GTF2IRD1: variants seen among roughly 807,000 people sequenced by gnomAD.
GTF2IRD1 encodes general transcription factor II-I repeat domain-containing protein 1.
GTF2IRD1 carries 26 observed loss-of-function variants against 113.2 expected under a neutral mutation model. That is an observed-to-expected ratio of 0.23 (90% CI 0.17 to 0.32). The LOEUF is 0.32. Among genes scored for constraint, GTF2IRD1 ranks in the 10% least tolerant of loss-of-function variants. The probability of loss-of-function intolerance (pLI) is 1.00; values close to 1 mark genes in which losing one functional copy is unlikely to be tolerated. For missense variants in GTF2IRD1, 864 were observed against 1,280.8 expected (o/e 0.67, Z 4.97); for synonymous variants, 484 against 529.1 (o/e 0.91, Z 1.17).
rs781885920 is a variant in GTF2IRD1 at position 74,519,648 on chromosome 7, G to A, written c.845G>A (p.Ser282Asn). The A allele has an allele frequency of 5.0e-5, 80 of 1,610,560 alleles. No individual in the cohort carries two copies. Among genetic ancestry groups the A allele is most frequent in the Non-Finnish European group, 6.8e-5 (80 of 1,178,796 alleles). Residue 282 changes from serine to asparagine, a missense_variant, in exon 6 of 27, where the codon AGC (serine) becomes AAC (asparagine). Ser to Asn is a conservative substitution (Grantham distance 46, BLOSUM62 1). This residue lies in a region of GTF2IRD1 where 195 missense variants were observed against 196.6 expected (regional missense o/e 0.99). Coordinates refer to ENST00000424337, the MANE Select transcript of GTF2IRD1 (RefSeq NM_005685.4). ...GCACCTTCCTGCCCCCTTGCCCCCA[G>A]CGACCTGGGCCTGAGTCGGCCCATG... Reference protein sequence around the residue: ...QEAPSCPLAPSDLGLSRPMPE... With the variant: ...QEAPSCPLAPNDLGLSRPMPE...
chr7:74,582,440 G>A (rs1801470857), intron 22 of GTF2IRD1, among the ~76,000 whole-genome samples: 1 of 151,784 alleles, frequency 6.6e-6, no homozygotes, highest in Non-Finnish European at 1.5e-5. Flanking sequence ...TTTTTTTTTG[G>A]TAGAAACAGG....
intron 1 of GTF2IRD1, among the ~76,000 whole-genome samples, chr7:74,500,527 G>A (rs922817283): frequency 6.6e-6 from 1 of 152,022 alleles, no homozygotes; most frequent in Admixed American, 6.6e-5. Flanking sequence ...GTGCAGACAA[G>A]TGACCCTCCC....
intron 8 of GTF2IRD1, among the ~76,000 whole-genome samples, chr7:74,525,932 A>G (rs1388312639): frequency 6.6e-6 from 1 of 152,128 alleles, no homozygotes; most frequent in Non-Finnish European, 1.5e-5. Context: ...GACCTTCCAC[A>G]TTGACATGGG....
intron 25 of GTF2IRD1, among the ~76,000 whole-genome samples, chr7:74,595,548 A>T (rs1562902426): frequency 6.6e-6 from 1 of 152,232 alleles, no homozygotes. Context: ...TCATAAAAAA[A>T]TTTTTTAAAG....
At chr7:74,565,976 G>C (rs1800280954) in intron 22 of GTF2IRD1, among the ~76,000 whole-genome samples, 1 of 149,590 alleles carries the variant, frequency 6.7e-6, no homozygotes, top group Admixed American at 6.7e-5. Flanking sequence ...CTGAGTGACA[G>C]AGTAAGACCC....
chr7:74,575,335 T>C (rs1204736790), intron 22 of GTF2IRD1, among the ~76,000 whole-genome samples: 2 of 152,024 alleles, frequency 1.3e-5, no homozygotes, highest in African/African-American at 4.8e-5. Context: ...CCTGCCAAGG[T>C]ATCAGAGGAA....
intron 25 of GTF2IRD1, among the ~76,000 whole-genome samples, chr7:74,596,459 CAAAAAAAAAAA>C (rs1184751959): frequency 1.7e-5 from 1 of 60,508 alleles, no homozygotes; most frequent in African/African-American, 6.7e-5. Context: ...GACTCTGTCT[CAAAAAAAAAAA>C]AAAAAAGAAA....
Position 74,544,810 on chromosome 7 carries a change from C to T in GTF2IRD1, c.1666+8C>T, listed in dbSNP as rs1416037129. ...AGGAGAGGCCCGTGGAGGGTGAGGC[C>T]CTGTCTACCCCTGACATTTTACACC... On this transcript the variant is annotated splice_region_variant and intron_variant, in intron 15 of 26. Coordinates refer to ENST00000424337, the MANE Select transcript of GTF2IRD1 (RefSeq NM_005685.4). The T allele has an allele frequency of 6.2e-7, 1 of 1,609,456 alleles. No homozygotes were observed. The highest frequency in any genetic ancestry group is 1.3e-5 in the African/African-American group (1 of 74,838).
chr7:74,549,822 G>C (rs1799192541), intron 17 of GTF2IRD1, among the ~76,000 whole-genome samples: 1 of 152,246 alleles, frequency 6.6e-6, no homozygotes, highest in Admixed American at 6.5e-5. Context: ...GATCACCTGA[G>C]GTTGGGAGTT....
At chr7:74,466,561 C>G (rs1490696641) in intron 1 of GTF2IRD1, among the ~76,000 whole-genome samples, 1 of 152,136 alleles carries the variant, frequency 6.6e-6, no homozygotes, top group South Asian at 2.1e-4. Flanking sequence ...GCTGCTGCCT[C>G]TCCCCTAGAG....
At chr7:74,499,316 T>TA (rs1554338855) in intron 1 of GTF2IRD1, among the ~76,000 whole-genome samples, 1 of 152,060 alleles carries the variant, frequency 6.6e-6, no homozygotes, top group Non-Finnish European at 1.5e-5. Context: ...TCACTGTTCT[T>TA]ACCCAGTATG....
intron 21 of GTF2IRD1, among the ~76,000 whole-genome samples, chr7:74,559,345 C>T (rs1799808049): frequency 6.6e-6 from 1 of 152,194 alleles, no homozygotes. Context: ...GTATTCAGCC[C>T]CCATCAGAGG....
chr7:74,553,144 G>A (rs1269740991), intron 17 of GTF2IRD1, among the ~76,000 whole-genome samples: 3 of 148,614 alleles, frequency 2.0e-5, no homozygotes, highest in Non-Finnish European at 4.5e-5. Context: ...GGCCTTTTGT[G>A]GGTTTTTTTT....
At chr7:74,473,717 G>A (rs1369170443) in intron 1 of GTF2IRD1, among the ~76,000 whole-genome samples, 1 of 151,970 alleles carries the variant, frequency 6.6e-6, no homozygotes, top group Admixed American at 6.6e-5. Flanking sequence ...TGGTGAGCCT[G>A]CCCACTTCCA....
At chr7:74,566,926 G>GTGGC (rs1554360853) in intron 22 of GTF2IRD1, among the ~76,000 whole-genome samples, 1 of 152,164 alleles carries the variant, frequency 6.6e-6, no homozygotes, top group African/African-American at 2.4e-5. Context: ...TCCACACAGG[G>GTGGC]TGGCTCTTTG....
chr7:74,593,055 C>T (rs587773833), intron 24 of GTF2IRD1, among the ~76,000 whole-genome samples: 4 of 151,826 alleles, frequency 2.6e-5, no homozygotes, highest in Non-Finnish European at 4.4e-5. Context: ...CAGGTTTTCA[C>T]CATGTTGGCC....
intron 20 of GTF2IRD1, among the ~76,000 whole-genome samples, 187 bp from the exon 21 acceptor site, chr7:74,558,674 T>C (rs1554358069): frequency 1.3e-5 from 2 of 152,120 alleles, no homozygotes; most frequent in African/African-American, 4.8e-5. Flanking sequence ...CTTTTTTTTA[T>C]GTTCTGATCA....
intron 1 of GTF2IRD1, among the ~76,000 whole-genome samples, chr7:74,494,345 G>C (rs1053254733): frequency 6.6e-6 from 1 of 152,244 alleles, no homozygotes; most frequent in Non-Finnish European, 1.5e-5. Context: ...CCGAGGAACA[G>C]CTGGGGCCCC....
chr7:74,586,991 A>T (rs587771708), intron 22 of GTF2IRD1, among the ~76,000 whole-genome samples: 81 of 152,178 alleles, frequency 5.3e-4, no homozygotes, highest in Admixed American at 1.8e-3. Flanking sequence ...AAAAAATTTT[A>T]AAAAAACTTA....
Sources: gnomAD v4.1 joint callset for allele counts (sites outside exome capture counted in the v4.1 genomes callset) on GRCh38, gnomAD v4.1.1 for gene constraint, gnomAD v4.1.1 regional missense constraint, MANE v1.5 for transcripts, NCBI Gene and HGNC (gene_info 2026-07-23, HGNC 2026-07-21) for gene names.